Variants in UBR1 observed in about 807,000 individuals in gnomAD.
UBR1 encodes the protein ubiquitin protein ligase E3 component n-recognin 1.
A neutral mutation model predicts 242.1 loss-of-function variants in UBR1; 102 were observed. That is an observed-to-expected ratio of 0.42 (90% CI 0.36 to 0.50). The LOEUF (loss-of-function observed/expected upper bound fraction) is 0.50, where lower values mean the gene tolerates loss of function less well. UBR1 is among the 20% of genes least tolerant of loss of function. UBR1 has a pLI of 0.01. For synonymous variants in UBR1, 675 were observed against 684.8 expected (o/e 0.99, Z 0.22); for missense variants, 1,772 against 2,101.8 (o/e 0.84, Z 3.07).
At chr15:43,072,267 T>C (rs961044284) in intron 4 of UBR1, among the ~76,000 whole-genome samples, 1 of 152,210 alleles carries the variant, frequency 6.6e-6, no homozygotes, top group African/African-American at 2.4e-5. Flanking sequence ...ATGGATTCTT[T>C]AGGATTTTTC....
At chr15:42,984,745 G>T in intron 36 of UBR1, 142 bp downstream of exon 36, 1 of 738,634 alleles carries the variant, frequency 1.4e-6, no homozygotes, top group Non-Finnish European at 2.4e-6. Flanking sequence ...CTATAAGACT[G>T]ATGCAGTTCC....
At chr15:42,999,025 C>G (rs993706129) in intron 32 of UBR1, among the ~76,000 whole-genome samples, 2 of 149,582 alleles carry the variant, frequency 1.3e-5, no homozygotes, top group African/African-American at 4.9e-5. Context: ...CAACCAACCT[C>G]TGCCTCCTGG....
intron 36 of UBR1, 86 bp downstream of exon 36, chr15:42,984,800 GT>G: frequency 8.2e-7 from 1 of 1,215,100 alleles, no homozygotes; most frequent in Admixed American, 1.8e-5. Flanking sequence ...CAGAAAATGA[GT>G]AAAGATTTTT....
intron 21 of UBR1, 59 bp downstream of exon 21, chr15:43,029,885 A>G (rs559610096): frequency 6.2e-7 from 1 of 1,605,862 alleles, no homozygotes; most frequent in Admixed American, 1.7e-5. Context: ...CCAATTAAAG[A>G]AAAAGAAACA....
intron 36 of UBR1, among the ~76,000 whole-genome samples, chr15:42,984,682 C>T (rs2032432087): frequency 1.3e-5 from 2 of 152,210 alleles, no homozygotes; most frequent in Admixed American, 6.5e-5. Context: ...ATGAATTACA[C>T]TTAACCTCTG....
chr15:42,985,053 T>A, intron 35 of UBR1, 111 bp from the exon 36 acceptor site: 1 of 919,634 alleles, frequency 1.1e-6, no homozygotes, highest in Non-Finnish European at 1.6e-6. Context: ...ATGATTTGCA[T>A]TTTTCCCCTT....
intron 26 of UBR1, among the ~76,000 whole-genome samples, chr15:43,021,764 A>C (rs923524032): frequency 6.6e-6 from 1 of 152,200 alleles, no homozygotes; most frequent in African/African-American, 2.4e-5. Flanking sequence ...AGGGTCAATT[A>C]TGTCTTCATA....
At chr15:43,044,899 G>GA (rs995251446) in intron 14 of UBR1, among the ~76,000 whole-genome samples, 21 of 148,968 alleles carry the variant, frequency 1.4e-4, no homozygotes, top group African/African-American at 5.2e-4. Flanking sequence ...CATCTCAAAG[G>GA]AAAAAAAAGA....
chr15:43,053,186 G>C (rs1170161312), intron 12 of UBR1, among the ~76,000 whole-genome samples: 1 of 152,136 alleles, frequency 6.6e-6, no homozygotes, highest in African/African-American at 2.4e-5. Flanking sequence ...AGCATCAGAA[G>C]ATTTAAAGTT....
At chr15:43,072,844 T>C (rs138210292) in intron 4 of UBR1, among the ~76,000 whole-genome samples, 4 of 152,330 alleles carry the variant, frequency 2.6e-5, no homozygotes, top group African/African-American at 9.6e-5. Flanking sequence ...TAAAACTATG[T>C]ACTTCATTGT....
intron 27 of UBR1, among the ~76,000 whole-genome samples, chr15:43,019,589 T>G (rs578168225): frequency 2.9e-4 from 44 of 149,828 alleles, no homozygotes; most frequent in African/African-American, 1.1e-3. Flanking sequence ...AGGTTTTTTT[T>G]TTTTTTTTTT....
At chr15:43,087,196 G>C (rs1020430536) in intron 1 of UBR1, among the ~76,000 whole-genome samples, 1 of 152,220 alleles carries the variant, frequency 6.6e-6, no homozygotes, top group East Asian at 1.9e-4. Flanking sequence ...ACGAGGTCAG[G>C]AGATCGAGAC....
intron 21 of UBR1, 106 bp from the exon 22 acceptor site, chr15:43,027,934 AT>A (rs1476138610): frequency 2.1e-6 from 2 of 970,730 alleles, no homozygotes; most frequent in African/African-American, 3.3e-5. Context: ...TTTGTAAATA[AT>A]TTTAAAAAGA....
At chr15:42,958,747 C>A (rs2031964987) in intron 43 of UBR1, among the ~76,000 whole-genome samples, 1 of 152,142 alleles carries the variant, frequency 6.6e-6, no homozygotes, top group East Asian at 1.9e-4. Flanking sequence ...ACAATAAAAG[C>A]CTTGCTTGCA....
chr15:43,002,661 C>A lies in UBR1; in HGVS notation c.3553G>T (p.Val1185Phe). Reference sequence around the variant, plus strand: ...CCACTTTCCAAGTCAAAAAGGTCAACATGAATGCGCTGCTGAGAGCTCAGC... The same window carrying A: ...CCACTTTCCAAGTCAAAAAGGTCAAAATGAATGCGCTGCTGAGAGCTCAGC... The part of the protein sequence containing the change: ...VQLSSQQRIH[V>F]DLFDLESGEY... The change falls in exon 32 of 47, where the codon GTT becomes TTT. Residue 1185 changes from valine (V) to phenylalanine (F), a missense_variant. Around this residue, in one of 3 missense-constraint regions of UBR1, gnomAD observed 965 missense variants for 1,079.7 expected, o/e 0.89. Coordinates refer to ENST00000290650, the MANE Select transcript of UBR1 (RefSeq NM_174916.3). 1 of 1,614,180 alleles carries A rather than the reference C, an allele frequency of 6.2e-7. No homozygotes were observed. Among genetic ancestry groups the A allele is most frequent in the Non-Finnish European group, 8.5e-7 (1 of 1,180,038 alleles).
chr15:42,947,429 G>C (rs1299908703), intron 46 of UBR1, among the ~76,000 whole-genome samples: 1 of 152,100 alleles, frequency 6.6e-6, no homozygotes, highest in Non-Finnish European at 1.5e-5. Flanking sequence ...GGAAGTTCTG[G>C]CCAGGGCAAT....
chr15:43,101,983 A>AAG (rs1413904316), intron 1 of UBR1, among the ~76,000 whole-genome samples: 15 of 149,822 alleles, frequency 1.0e-4, no homozygotes, highest in Non-Finnish European at 1.6e-4. Context: ...AAAAAAAAAA[A>AAG]AAAAAAAAAA....
intron 16 of UBR1, 132 bp from the exon 17 acceptor site, chr15:43,038,015 C>T: frequency 8.3e-7 from 1 of 1,198,710 alleles, no homozygotes; most frequent in Admixed American, 2.0e-5. Flanking sequence ...GTCTAAGTCC[C>T]TGTGACTCAG....
intron 1 of UBR1, among the ~76,000 whole-genome samples, chr15:43,104,490 C>T (rs2034273370): frequency 6.6e-6 from 1 of 152,116 alleles, no homozygotes; most frequent in African/African-American, 2.4e-5. Context: ...CCTTCAGGAA[C>T]AGTAGTGAAG....
Sources: gnomAD v4.1 joint callset for allele counts (sites outside exome capture counted in the v4.1 genomes callset) on GRCh38, gnomAD v4.1.1 for gene constraint, gnomAD v4.1.1 regional missense constraint, MANE v1.5 for transcripts, NCBI Gene and HGNC (gene_info 2026-07-23, HGNC 2026-07-21) for gene names.